COBL: variants seen among roughly 807,000 people sequenced by gnomAD.
COBL encodes cordon-bleu WH2 repeat protein.
In COBL, 51 loss-of-function variants were observed where a neutral mutation model predicts 98.8. That is an observed-to-expected ratio of 0.52 (90% CI 0.41 to 0.65). COBL has a LOEUF of 0.65. Among genes scored for constraint, COBL ranks in the 30% least tolerant of loss-of-function variants. The pLI is 0.00. For missense variants in COBL, 1,617 were observed against 1,617.5 expected (o/e 1.00, Z 0.01); for synonymous variants, 634 against 651.7 (o/e 0.97, Z 0.41).
At chr7:51,156,072 A>T (rs1786098265) in intron 5 of COBL, among the ~76,000 whole-genome samples, 1 of 152,226 alleles carries the variant, frequency 6.6e-6, no homozygotes, top group African/African-American at 2.4e-5. Flanking sequence ...ATAAAGCTAG[A>T]AAATCATCCA....
chr7:51,190,721 G>T (rs1483255164), intron 4 of COBL, 129 bp downstream of exon 4: 4 of 715,196 alleles, frequency 5.6e-6, no homozygotes, highest in African/African-American at 3.6e-5. Flanking sequence ...AACTTGACTT[G>T]CCTGGAACTT....
intron 1 of COBL, among the ~76,000 whole-genome samples, chr7:51,286,463 C>T (rs1338414608): frequency 6.7e-6 from 1 of 149,892 alleles, no homozygotes; most frequent in Non-Finnish European, 1.5e-5. Context: ...TGAACAGATA[C>T]TTCTTAAAAT....
intron 12 of COBL, 29 bp from the exon 13 acceptor site, chr7:51,017,597 TG>T: frequency 6.2e-7 from 1 of 1,613,270 alleles, no homozygotes; most frequent in Admixed American, 1.7e-5. Flanking sequence ...CACAGTTATT[TG>T]GTATGTCAAT....
chr7:51,259,837 G>A, intron 1 of COBL: 1 of 754,812 alleles, frequency 1.3e-6, no homozygotes, highest in Non-Finnish European at 2.4e-6. Flanking sequence ...TTTTCTTTAG[G>A]CGAAGTCTTG....
chr7:51,210,526 C>T (rs1009940457), intron 2 of COBL, among the ~76,000 whole-genome samples: 1 of 152,196 alleles, frequency 6.6e-6, no homozygotes, highest in African/African-American at 2.4e-5. Flanking sequence ...TTGCTTTGCT[C>T]TCTCTGGGGC....
At chr7:51,206,440 CGA>C (rs1194969148) in intron 2 of COBL, among the ~76,000 whole-genome samples, 1 of 150,336 alleles carries the variant, frequency 6.7e-6, no homozygotes, top group African/African-American at 2.5e-5. Flanking sequence ...TGCACTGAGC[CGA>C]GATCGCGCCA....
intron 1 of COBL, among the ~76,000 whole-genome samples, chr7:51,258,699 T>G (rs774562417): frequency 6.6e-6 from 1 of 152,138 alleles, no homozygotes; most frequent in African/African-American, 2.4e-5. Flanking sequence ...CACTTAAGAG[T>G]AATAACAAAT....
intron 1 of COBL, 118 bp downstream of exon 1, chr7:51,316,475 A>T: frequency 1.4e-6 from 1 of 731,980 alleles, no homozygotes; most frequent in Non-Finnish European, 1.8e-6. Flanking sequence ...CACCACTACC[A>T]CCAGCACCCG....
chr7:51,074,320 A>G (rs1295403), intron 7 of COBL, among the ~76,000 whole-genome samples: 82,747 of 150,668 alleles, frequency 0.55, 23,065 homozygotes, highest in East Asian at 0.77. Flanking sequence ...CTTTGCCTCC[A>G]GAGTAGCTGG....
At chr7:51,306,130 G>C (rs928631931) in intron 1 of COBL, among the ~76,000 whole-genome samples, 19 of 152,028 alleles carry the variant, frequency 1.2e-4, no homozygotes, top group Admixed American at 1.3e-4. Context: ...ATGCAGATGA[G>C]TGGGGCCCCA....
At chr7:51,189,462 C>T (rs187246583) in intron 4 of COBL, among the ~76,000 whole-genome samples, 3 of 152,062 alleles carry the variant, frequency 2.0e-5, no homozygotes, top group East Asian at 1.9e-4. Context: ...GGTGAAACCC[C>T]GTCTCTACTA....
chr7:51,039,669 A>T (rs548908645), intron 8 of COBL, among the ~76,000 whole-genome samples: 70 of 152,404 alleles, frequency 4.6e-4, no homozygotes, highest in African/African-American at 1.6e-3. Flanking sequence ...TGTATTCCAA[A>T]GCTGACAAAT....
Position 51,063,869 on chromosome 7 carries a change from G to A in COBL, c.1097-20177C>T, listed in dbSNP as rs547459843. Among the ~76,000 whole-genome samples, 6 of 152,290 alleles carry A rather than the reference G, an allele frequency of 3.9e-5. No homozygotes were observed. In the South Asian group the frequency reaches 1.0e-3, roughly 26 times the overall value. The stretch of plus-strand genomic sequence containing the variant: ...CTAAATGTTCTACATGTATTTGTAT[G>A]TGTAATTCTCAAAAGCACTTTTTCT... On this transcript the variant is annotated intron_variant, in intron 7 of 12. Coordinates refer to ENST00000265136, the MANE Select transcript of COBL (RefSeq NM_015198.5).
At chr7:51,170,516 T>G (rs1310142209) in intron 5 of COBL, among the ~76,000 whole-genome samples, 1 of 146,836 alleles carries the variant, frequency 6.8e-6, no homozygotes, top group Admixed American at 6.8e-5. Context: ...GATATATATA[T>G]ATATATATAT....
chr7:51,064,790 T>C (rs1791731589), intron 7 of COBL: 1 of 209,060 alleles, frequency 4.8e-6, no homozygotes, highest in African/African-American at 2.3e-5. Context: ...AAAAGCATAC[T>C]GATGCTGCAG....
chr7:51,303,930 A>C (rs1802231295), intron 1 of COBL, among the ~76,000 whole-genome samples: 1 of 152,204 alleles, frequency 6.6e-6, no homozygotes, highest in African/African-American at 2.4e-5. Context: ...GACTGCATGC[A>C]CACCAACACT....
intron 7 of COBL, 81 bp downstream of exon 7, chr7:51,085,085 T>C: frequency 1.2e-6 from 2 of 1,602,930 alleles, no homozygotes; most frequent in East Asian, 2.2e-5. Flanking sequence ...ATGAGGCCAC[T>C]GCAGGAGTTC....
intron 1 of COBL, among the ~76,000 whole-genome samples, chr7:51,241,322 C>G (rs1795770565): frequency 6.6e-6 from 1 of 152,224 alleles, no homozygotes; most frequent in Non-Finnish European, 1.5e-5. Context: ...CCAATACACA[C>G]TATTTTGCAT....
chr7:51,035,468 G>A (rs1303782449), intron 8 of COBL: 1 of 152,094 alleles, frequency 6.6e-6, no homozygotes, highest in East Asian at 1.9e-4. Context: ...GTGATTACTT[G>A]ATTAACTAAA....
Sources: allele counts gnomAD v4.1 joint callset (sites outside exome capture counted in the v4.1 genomes callset), GRCh38; gene constraint gnomAD v4.1.1; transcripts MANE v1.5; gene names NCBI Gene and HGNC (gene_info 2026-07-23, HGNC 2026-07-21).